The following VCAN variants were observed in gnomAD, a reference collection of about 807,000 sequenced individuals.
VCAN encodes versican core protein.
A neutral mutation model predicts 245.5 loss-of-function variants in VCAN; 44 were observed. That is an observed-to-expected ratio of 0.18 (90% CI 0.14 to 0.23). The LOEUF is 0.23. Among genes scored for constraint, VCAN ranks in the 10% least tolerant of loss-of-function variants. The probability of loss-of-function intolerance (pLI) is 1.00; values close to 1 mark genes in which losing one functional copy is unlikely to be tolerated. For missense variants in VCAN, 3,793 were observed against 4,057.9 expected, an observed-to-expected ratio of 0.93 and a Z score of 1.77; for synonymous variants, 1,413 against 1,437.0, an observed-to-expected ratio of 0.98 and a Z score of 0.38.
chr5:83,542,405 GC>G, intron 8 of VCAN, 137 bp downstream of exon 8: 2 of 946,666 alleles, frequency 2.1e-6, no homozygotes, highest in South Asian at 1.4e-5. Flanking sequence ...AGCAGGCCAG[GC>G]CACAGTATTG....
At chr5:83,580,283 T>TTTTC (rs1339001594) in intron 14 of VCAN, 24 bp from the exon 15 acceptor site, 1 of 1,613,734 alleles carries the variant, frequency 6.2e-7, no homozygotes. Context: ...TGTTTTCTTT[T>TTTTC]TTTCTTTCTT....
In VCAN at chr5:83,541,467, T is replaced by A; in HGVS notation, c.8464T>A (p.Ser2822Thr). 1 of 1,614,066 alleles carries A rather than the reference T, an allele frequency of 6.2e-7. No individual in the cohort carries two copies. The highest frequency in any genetic ancestry group is 8.5e-7 in the Non-Finnish European group (1 of 1,180,010). ...AGTTTCAACATTTGCGAAGTTGTCT[T>A]CTCAGACACCATCATCTCCCCTCAC... ...LAVSTFAKLSSQTPSSPLTIY... is the reference protein window; with the variant it reads ...LAVSTFAKLSTQTPSSPLTIY... Residue 2822 changes from serine (S) to threonine (T), a missense_variant, in exon 8 of 15, where the codon TCT becomes ACT. By Grantham distance (58) the Ser-to-Thr change is moderately conservative. Coordinates refer to ENST00000265077, the MANE Select transcript of VCAN (RefSeq NM_004385.5).
chr5:83,550,212 T>C (rs1747407130), intron 10 of VCAN, among the ~76,000 whole-genome samples: 1 of 152,186 alleles, frequency 6.6e-6, no homozygotes. Context: ...ACATTACCTG[T>C]ACAGCATCAA....
intron 5 of VCAN, among the ~76,000 whole-genome samples, chr5:83,495,364 T>A (rs1745126594): frequency 6.6e-6 from 1 of 152,244 alleles, no homozygotes; most frequent in African/African-American, 2.4e-5. Context: ...TAGGTGTGGT[T>A]CTCTAGTATC....
Position 83,522,224 on chromosome 5 carries a change from G to A in VCAN, c.3918G>A (p.Ala1306=), listed in dbSNP as rs768841073. The A allele has an allele frequency of 1.7e-5, 28 of 1,601,856 alleles. 1 individual carries two copies. In the East Asian group the frequency reaches 5.3e-4, roughly 31 times the overall value. The change falls in exon 7 of 15, where the codon GCG becomes GCA. Residue 1306 remains alanine (A), a synonymous_variant. Coordinates refer to ENST00000265077, the MANE Select transcript of VCAN (RefSeq NM_004385.5). ...VEDKEAFGPQ[A]LSTPQPPAST... ...ACAAAGAGGCCTTTGGACCTCAGGCGCTTTCTACGCCACAGCCCCCAGCAA... is the reference window on the plus strand; with the variant it reads ...ACAAAGAGGCCTTTGGACCTCAGGCACTTTCTACGCCACAGCCCCCAGCAA...
At position 83,500,753 on chromosome 5, in the gene VCAN, C is replaced by T. The variant is rs141026824; in HGVS notation, c.748+6822C>T. On this transcript the variant is annotated intron_variant, in intron 5 of 14. Coordinates refer to ENST00000265077, the MANE Select transcript of VCAN (RefSeq NM_004385.5). ...AAGATAAAAAGTACCCTCAAAGCTCCCTCAAATCTCTGATATCTCATTAGA... is the reference window on the plus strand; with the variant it reads ...AAGATAAAAAGTACCCTCAAAGCTCTCTCAAATCTCTGATATCTCATTAGA... Among the ~76,000 whole-genome samples, 498 of 152,242 alleles carry T rather than the reference C, an allele frequency of 3.3e-3. 2 individuals are homozygous for T. The highest frequency in any genetic ancestry group is 5.6e-3 in the Non-Finnish European group (384 of 68,004).
chr5:83,529,831 T>C (rs1746449245), intron 7 of VCAN, among the ~76,000 whole-genome samples: 1 of 152,188 alleles, frequency 6.6e-6, no homozygotes, highest in African/African-American at 2.4e-5. Flanking sequence ...CAATGCCTGA[T>C]ACATAGTAAT....
chr5:83,499,859 T>G (rs1453906254), intron 5 of VCAN, among the ~76,000 whole-genome samples: 1 of 152,228 alleles, frequency 6.6e-6, no homozygotes, highest in Non-Finnish European at 1.5e-5. Context: ...TTCTTGTGCC[T>G]CACCTAGAAC....
Position 83,490,233 on chromosome 5 carries a change from T to C in VCAN, c.206T>C (p.Ile69Thr), listed in dbSNP as rs1465864734. Residue 69 changes from isoleucine to threonine, a missense_variant, in exon 3 of 15, where the codon ATT (isoleucine) becomes ACT (threonine). Physicochemically the swap from Ile to Thr is moderately conservative, Grantham distance 89. Transcript: ENST00000265077. Reference protein sequence around the residue: ...SEFLRIKWSKIEVDKNGKDLK... With the variant: ...SEFLRIKWSKTEVDKNGKDLK... ...TTTCTCCGCATCAAATGGTCTAAGA[T>C]TGAAGTGGACAAAAATGGAAAAGAT... 2.5e-6 allele frequency: 4 copies of C among 1,614,014 alleles called. No individual in the cohort carries two copies. Among genetic ancestry groups the C allele is most frequent in the Admixed American group, 1.7e-5 (1 of 59,992 alleles).
At chr5:83,566,940 A>G (rs1269282619) in intron 12 of VCAN, among the ~76,000 whole-genome samples, 1 of 152,204 alleles carries the variant, frequency 6.6e-6, no homozygotes, top group Non-Finnish European at 1.5e-5. Flanking sequence ...GTTCACAATG[A>G]GTTCTCTAGT....
In VCAN at chr5:83,479,618, A is replaced by G. The variant is rs190585016; in HGVS notation, c.-6-3895A>G. Reference sequence around the variant, plus strand: ...ACGGTGCTTATAAGAGAGACATGGAAAAGTGGAAGAATGGAAATAGGGATT... The same window carrying G: ...ACGGTGCTTATAAGAGAGACATGGAGAAGTGGAAGAATGGAAATAGGGATT... On this transcript the variant is annotated intron_variant, in intron 1 of 14. Coordinates refer to ENST00000265077, the MANE Select transcript of VCAN (RefSeq NM_004385.5). Among the ~76,000 whole-genome samples, 5 of 152,280 alleles carry G rather than the reference A, an allele frequency of 3.3e-5. No individual in the cohort carries two copies. The East Asian group carries it at 9.6e-4, about 29-fold the overall frequency.
At chr5:83,492,437 T>C (rs972501386) in intron 3 of VCAN, among the ~76,000 whole-genome samples, 2 of 152,172 alleles carry the variant, frequency 1.3e-5, no homozygotes, top group African/African-American at 4.8e-5. Context: ...GTTGCCTCAA[T>C]TTCTATTTTT....
intron 5 of VCAN, 61 bp downstream of exon 5, chr5:83,493,992 G>A (rs1745073617): frequency 7.4e-6 from 12 of 1,611,726 alleles, no homozygotes; most frequent in Non-Finnish European, 1.0e-5. Context: ...AAGACCAGAA[G>A]TTCATTGGAA....
Position 83,502,827 on chromosome 5 carries a change from C to T in VCAN, c.748+8896C>T, listed in dbSNP as rs573719435. ...TGCTTTAAGTTTATGCTTTAAGCCACGTTATGTTCTACTTCAGCCTAATAC... is the reference window on the plus strand; with the variant it reads ...TGCTTTAAGTTTATGCTTTAAGCCATGTTATGTTCTACTTCAGCCTAATAC... On this transcript the variant is annotated intron_variant, in intron 5 of 14. Coordinates refer to ENST00000265077, the MANE Select transcript of VCAN (RefSeq NM_004385.5). Among the ~76,000 whole-genome samples the T allele has an allele frequency of 5.3e-5, 8 of 152,284 alleles. No individual in the cohort carries two copies. The East Asian group carries it at 9.6e-4, about 18-fold the overall frequency.
intron 7 of VCAN, among the ~76,000 whole-genome samples, chr5:83,532,119 C>T (rs1027174572): frequency 1.3e-5 from 2 of 152,078 alleles, no homozygotes; most frequent in Non-Finnish European, 2.9e-5. Flanking sequence ...ATCTCCATTT[C>T]GGAATGAGAT....
chr5:83,508,518 A>C (rs1745547658), intron 5 of VCAN, among the ~76,000 whole-genome samples: 1 of 152,240 alleles, frequency 6.6e-6, no homozygotes, highest in Non-Finnish European at 1.5e-5. Flanking sequence ...TAAATGCTTC[A>C]CTATATCATT....
At chr5:83,500,643 T>C (rs1745304112) in intron 5 of VCAN, among the ~76,000 whole-genome samples, 1 of 152,338 alleles carries the variant, frequency 6.6e-6, no homozygotes, top group African/African-American at 2.4e-5. Flanking sequence ...TGATTAGATA[T>C]GCCTTTTTTC....
chr5:83,553,296 C>A, intron 10 of VCAN, 68 bp from the exon 11 acceptor site: 1 of 1,602,326 alleles, frequency 6.2e-7, no homozygotes, highest in Non-Finnish European at 8.5e-7. Context: ...CCTACTAACA[C>A]TTGGTTGGGG....
In VCAN at chr5:83,520,321, T is replaced by C; in HGVS notation, c.2015T>C (p.Ile672Thr). ...KILVEGISTV[I>T]YPSLQTEMTH... ...TTAGTAGAGGGAATTTCCACAGTTA[T>C]TTATCCTTCTCTACAAACAGAAATG... is the stretch of plus-strand genomic sequence containing the variant. Residue 672 changes from isoleucine to threonine, a missense_variant, in exon 7 of 15, where the codon ATT (isoleucine) becomes ACT (threonine). Transcript: ENST00000265077. 6.2e-7 allele frequency: 1 copy of C among 1,613,694 alleles called. No homozygotes were observed. The highest frequency in any genetic ancestry group is 8.5e-7 in the Non-Finnish European group (1 of 1,179,910).
Sources: gnomAD v4.1 joint callset for allele counts (sites outside exome capture counted in the v4.1 genomes callset) on GRCh38, gnomAD v4.1.1 for gene constraint, MANE v1.5 for transcripts, NCBI Gene and HGNC (gene_info 2026-07-23, HGNC 2026-07-21) for gene names.